Variants in OPCML observed in about 807,000 individuals in gnomAD.
OPCML encodes opioid-binding protein/cell adhesion molecule.
In OPCML, 13 loss-of-function variants were observed where a neutral mutation model predicts 37.8. The ratio of observed to expected loss-of-function variants is 0.34; its 90% CI spans 0.22 to 0.55. The LOEUF (loss-of-function observed/expected upper bound fraction) is 0.55, where lower values mean the gene tolerates loss of function less well. Ranked by LOEUF, OPCML falls within the 20% of genes least tolerant of loss-of-function variation. The pLI is 0.91. For synonymous variants in OPCML, 176 were observed against 168.8 expected (o/e 1.04, Z -0.33); for missense variants, 341 against 435.6 (o/e 0.78, Z 1.93).
intron 2 of OPCML, among the ~76,000 whole-genome samples, chr11:132,683,029 C>CTTA (rs1352240916): frequency 5.9e-5 from 9 of 152,164 alleles, no homozygotes; most frequent in Non-Finnish European, 4.4e-5. Flanking sequence ...TTTTGATGTT[C>CTTA]TTATGAGTTT....
chr11:133,342,437 A>G (rs1203035959), intron 1 of OPCML, among the ~76,000 whole-genome samples: 1 of 152,186 alleles, frequency 6.6e-6, no homozygotes, highest in Non-Finnish European at 1.5e-5. Flanking sequence ...TCCTACCTGT[A>G]CATAGAGCAG....
intron 1 of OPCML, among the ~76,000 whole-genome samples, chr11:133,121,442 G>A (rs1215583514): frequency 6.6e-6 from 1 of 152,134 alleles, no homozygotes; most frequent in African/African-American, 2.4e-5. Flanking sequence ...GGAATGTCCT[G>A]ATACACTTCA....
chr11:132,792,015 A>C (rs1937948564), intron 2 of OPCML, among the ~76,000 whole-genome samples: 1 of 152,222 alleles, frequency 6.6e-6, no homozygotes, highest in African/African-American at 2.4e-5. Flanking sequence ...CCAGACCTTG[A>C]TTCTGCATCC....
At chr11:133,242,374 G>A (rs914151942) in intron 1 of OPCML, among the ~76,000 whole-genome samples, 4 of 152,114 alleles carry the variant, frequency 2.6e-5, no homozygotes, top group South Asian at 4.1e-4. Flanking sequence ...TAATCTGCTC[G>A]GGCTGCTGAA....
At chr11:132,628,119 G>A (rs1254931837) in intron 3 of OPCML, among the ~76,000 whole-genome samples, 1 of 152,140 alleles carries the variant, frequency 6.6e-6, no homozygotes, top group Non-Finnish European at 1.5e-5. Context: ...CAGAATTGCT[G>A]AGAGAGGACA....
At chr11:133,162,588 G>A (rs1174543552) in intron 1 of OPCML, among the ~76,000 whole-genome samples, 1 of 152,188 alleles carries the variant, frequency 6.6e-6, no homozygotes, top group South Asian at 2.1e-4. Context: ...CATACACACT[G>A]CCGGCCACAT....
At chr11:133,054,165 G>A (rs1396112522) in intron 1 of OPCML, among the ~76,000 whole-genome samples, 3 of 152,146 alleles carry the variant, frequency 2.0e-5, no homozygotes, top group East Asian at 1.9e-4. Flanking sequence ...CCAGGCATAG[G>A]ACCACTGCAG....
At chr11:133,231,350 C>T (rs566342426) in intron 1 of OPCML, among the ~76,000 whole-genome samples, 10 of 152,286 alleles carry the variant, frequency 6.6e-5, no homozygotes, top group African/African-American at 1.9e-4. Context: ...GATCAAATCC[C>T]TTCACATGTC....
chr11:133,530,693 T>C (rs575922217), intron 1 of OPCML, among the ~76,000 whole-genome samples: 1 of 152,212 alleles, frequency 6.6e-6, no homozygotes, highest in Non-Finnish European at 1.5e-5. Flanking sequence ...CACTCTGAAC[T>C]TCTTGGTCAG....
rs918709572 is a variant in OPCML, at chr11:132,718,257, C to A, written c.147-60938G>T. Among the ~76,000 whole-genome samples, 3 of 152,110 alleles carry A rather than the reference C, an allele frequency of 2.0e-5. No individual in the cohort carries two copies. In the South Asian group the frequency reaches 6.2e-4, roughly 32 times the overall value. On this transcript the variant is annotated intron_variant, in intron 2 of 7. Coordinates refer to ENST00000524381, the MANE Select transcript of OPCML (RefSeq NM_001012393.5). ...GGAGCAGACGTGATTTAAATTTTAT[C>A]CTGTAGCACCAGTGGTGGGTTCAGG...
intron 1 of OPCML, among the ~76,000 whole-genome samples, chr11:132,976,272 G>A (rs145839155): frequency 1.0e-3 from 154 of 152,286 alleles, no homozygotes; most frequent in African/African-American, 3.5e-3. Flanking sequence ...GGACCAGGGT[G>A]GAAAGCTGGA....
chr11:132,511,864 C>G (rs1470663993), intron 4 of OPCML, among the ~76,000 whole-genome samples: 2 of 151,968 alleles, frequency 1.3e-5, no homozygotes, highest in African/African-American at 2.4e-5. Flanking sequence ...ATAAATTGGA[C>G]TTCATCCAAA....
chr11:133,180,950 G>GA (rs1937797607), intron 1 of OPCML, among the ~76,000 whole-genome samples: 1 of 151,950 alleles, frequency 6.6e-6, no homozygotes, highest in African/African-American at 2.4e-5. Flanking sequence ...ATAAGAGCCA[G>GA]AAAACGGGAA....
chr11:133,068,978 T>G (rs1948481668), intron 1 of OPCML, among the ~76,000 whole-genome samples: 1 of 152,004 alleles, frequency 6.6e-6, no homozygotes, highest in Non-Finnish European at 1.5e-5. Context: ...CAGGAGAGAG[T>G]TACTTACATT....
At chr11:133,498,280 G>C (rs1947828552) in intron 1 of OPCML, among the ~76,000 whole-genome samples, 1 of 152,130 alleles carries the variant, frequency 6.6e-6, no homozygotes, top group Non-Finnish European at 1.5e-5. Context: ...TTCCAAAGCT[G>C]GCAAGGAAGG....
chr11:132,801,401 A>C (rs1591629734), intron 2 of OPCML, among the ~76,000 whole-genome samples: 1 of 152,182 alleles, frequency 6.6e-6, no homozygotes, highest in Non-Finnish European at 1.5e-5. Flanking sequence ...AGCACTGTGA[A>C]AGATCCTACA....
chr11:132,687,400 A>G (rs1164123252), intron 2 of OPCML, among the ~76,000 whole-genome samples: 2 of 92,908 alleles, frequency 2.2e-5, no homozygotes, highest in African/African-American at 6.4e-5. Context: ...ATATATATAT[A>G]TATATATATA....
At chr11:132,630,420 T>C (rs1246383667) in intron 3 of OPCML, among the ~76,000 whole-genome samples, 1 of 152,150 alleles carries the variant, frequency 6.6e-6, no homozygotes, top group Non-Finnish European at 1.5e-5. Flanking sequence ...TAGCTGGGCG[T>C]GGTGGCACGT....
At chr11:132,614,115 T>C (rs564725899) in intron 3 of OPCML, among the ~76,000 whole-genome samples, 5 of 152,188 alleles carry the variant, frequency 3.3e-5, no homozygotes, top group African/African-American at 1.2e-4. Flanking sequence ...CCCAACCAAC[T>C]TTCCCATGCC....
Sources: allele counts gnomAD v4.1 joint callset (sites outside exome capture counted in the v4.1 genomes callset), GRCh38; gene constraint gnomAD v4.1.1; transcripts MANE v1.5; gene names NCBI Gene and HGNC (gene_info 2026-07-23, HGNC 2026-07-21).